The following GSE1 variants were observed in gnomAD, a reference collection of about 807,000 sequenced individuals.
GSE1 encodes Gse1 coiled-coil protein.
A neutral mutation model predicts 112.6 loss-of-function variants in GSE1; 32 were observed. That is an observed-to-expected ratio of 0.28 (90% confidence interval 0.21 to 0.38). The LOEUF (loss-of-function observed/expected upper bound fraction) is 0.38. Among genes scored for constraint, GSE1 ranks in the 10% least tolerant of loss-of-function variants. The probability of loss-of-function intolerance (pLI) is 1.00; values close to 1 mark genes in which losing one functional copy is unlikely to be tolerated. For missense variants in GSE1, 2,348 were observed against 1,699.2 expected (o/e 1.38, Z -6.71); for synonymous variants, 1,115 against 735.6 (o/e 1.52, Z -8.35).
intron 1 of GSE1, among the ~76,000 whole-genome samples, chr16:85,235,427 A>ATTGTGTGTGTGTGTGTGT (rs574126768): frequency 6.2e-5 from 4 of 64,944 alleles, no homozygotes; most frequent in Non-Finnish European, 9.5e-5. Flanking sequence ...ATGGAAGGGT[A>ATTGTGTGTGTGTGTGTGT]CTGTGTGTGT....
chr16:85,478,189 C>A (rs1567519547), intron 2 of GSE1, among the ~76,000 whole-genome samples: 1 of 152,166 alleles, frequency 6.6e-6, no homozygotes, highest in Non-Finnish European at 1.5e-5. Context: ...GTCCGTGCAG[C>A]AGCGTGCGTC....
intron 2 of GSE1, among the ~76,000 whole-genome samples, chr16:85,543,015 C>G (rs2044576248): frequency 6.6e-6 from 1 of 152,244 alleles, no homozygotes; most frequent in South Asian, 2.1e-4. Flanking sequence ...ATCATGAGTT[C>G]AGGAGTTCAA....
chr16:85,672,533 C>T lies in GSE1; in HGVS notation c.3648C>T (p.Pro1216=), dbSNP rs371328653. 9 of 1,603,428 alleles carry T rather than the reference C, an allele frequency of 5.6e-6. No homozygotes were observed. Among genetic ancestry groups the T allele is most frequent in the Non-Finnish European group, 7.7e-6 (9 of 1,171,880 alleles). Residue 1216 remains proline (P), a synonymous_variant, in exon 16 of 16, where the codon CCC becomes CCT. Coordinates refer to ENST00000253458, the MANE Select transcript of GSE1 (RefSeq NM_014615.5). The part of the protein sequence containing the change: ...HWPRGYLKGY[P]R Reference sequence around the variant, plus strand: ...CTAGGGGCTACCTGAAGGGATATCCCAGGTGACGGTTTCCCTTGCACTAGG... The same window carrying T: ...CTAGGGGCTACCTGAAGGGATATCCTAGGTGACGGTTTCCCTTGCACTAGG...
chr16:85,250,919 T>C (rs1432668903), intron 1 of GSE1, among the ~76,000 whole-genome samples: 1 of 149,170 alleles, frequency 6.7e-6, no homozygotes, highest in East Asian at 2.0e-4. Context: ...AATCACAGCA[T>C]GTGGACTTCT....
Position 85,647,160 on chromosome 16 carries a change from C to T in GSE1, c.227-1392C>T, listed in dbSNP as rs551387778. On this transcript the variant is annotated intron_variant, in intron 2 of 15. Coordinates refer to ENST00000253458, the MANE Select transcript of GSE1 (RefSeq NM_014615.5). ...ACCCCTGCCGCACCTGCAGATGGGC[C>T]GGGGCGGCCCTGCCCGTCCATGCCC... Among the ~76,000 whole-genome samples the T allele has an allele frequency of 1.5e-3, 229 of 152,306 alleles. 2 individuals are homozygous for T. The highest frequency in any genetic ancestry group is 0.011 in the South Asian group (52 of 4,824).
intron 1 of GSE1, among the ~76,000 whole-genome samples, chr16:85,230,558 T>A (rs531393075): frequency 6.6e-6 from 1 of 152,228 alleles, no homozygotes; most frequent in East Asian, 1.9e-4. Flanking sequence ...TGCCTTTTGC[T>A]GCGGGGGTTC....
intron 2 of GSE1, among the ~76,000 whole-genome samples, chr16:85,516,556 C>G (rs916572462): frequency 6.3e-5 from 9 of 143,366 alleles, no homozygotes; most frequent in African/African-American, 2.3e-4. Flanking sequence ...ATTGCCCTCA[C>G]TCTACAAGGC....
intron 1 of GSE1, among the ~76,000 whole-genome samples, chr16:85,215,233 G>T (rs1388426244): frequency 1.3e-5 from 2 of 152,218 alleles, no homozygotes; most frequent in Non-Finnish European, 2.9e-5. Flanking sequence ...AGCCTCACTT[G>T]TGTCATCTTT....
intron 1 of GSE1, among the ~76,000 whole-genome samples, chr16:85,630,542 C>T (rs962202063): frequency 1.3e-5 from 2 of 152,196 alleles, no homozygotes; most frequent in African/African-American, 4.8e-5. Context: ...GTTTTGAACT[C>T]CTGGCCTCAC....
chr16:85,364,800 C>T (rs553055320), intron 2 of GSE1, among the ~76,000 whole-genome samples: 3 of 152,300 alleles, frequency 2.0e-5, no homozygotes, highest in Admixed American at 1.3e-4. Context: ...GCAGCCACTC[C>T]CCAGCAACTC....
chr16:85,607,813 T>A (rs1217191074), upstream of GSE1, among the ~76,000 whole-genome samples: 1 of 152,260 alleles, frequency 6.6e-6, no homozygotes, highest in African/African-American at 2.4e-5. Context: ...ACTGTGTCCC[T>A]GCTAGGAGAC....
intron 2 of GSE1, among the ~76,000 whole-genome samples, chr16:85,516,859 G>A (rs777385756): frequency 3.3e-5 from 5 of 150,484 alleles, no homozygotes; most frequent in East Asian, 2.0e-4. Flanking sequence ...GTGCAGTGGC[G>A]TGATCTCCAC....
At chr16:85,243,058 C>T (rs1361685965) in intron 1 of GSE1, among the ~76,000 whole-genome samples, 1 of 152,188 alleles carries the variant, frequency 6.6e-6, no homozygotes, top group Non-Finnish European at 1.5e-5. Flanking sequence ...AGCAATCCTC[C>T]TTCCTTGGCT....
intron 1 of GSE1, among the ~76,000 whole-genome samples, chr16:85,347,822 G>T (rs1444090786): frequency 6.6e-6 from 1 of 152,186 alleles, no homozygotes; most frequent in African/African-American, 2.4e-5. Context: ...AGGACCTTCT[G>T]TTCCACCTGG....
chr16:85,203,003 C>T (rs917549582), intron 1 of GSE1, among the ~76,000 whole-genome samples: 1 of 151,228 alleles, frequency 6.6e-6, no homozygotes, highest in East Asian at 2.0e-4. Flanking sequence ...TCTCCCCCTC[C>T]TCCTTGGCCA....
intron 2 of GSE1, among the ~76,000 whole-genome samples, chr16:85,503,547 C>T (rs780793013): frequency 1.3e-5 from 2 of 152,144 alleles, no homozygotes; most frequent in African/African-American, 2.4e-5. Context: ...CTGGTAATTA[C>T]GGCCCACGGA....
chr16:85,549,531 C>T (rs550026139), intron 2 of GSE1, among the ~76,000 whole-genome samples: 2 of 152,322 alleles, frequency 1.3e-5, no homozygotes, highest in Non-Finnish European at 1.5e-5. Context: ...CAGGGGCAGG[C>T]TGGGGATGCC....
intron 2 of GSE1, among the ~76,000 whole-genome samples, chr16:85,513,842 A>G (rs545413422): frequency 3.3e-4 from 50 of 152,000 alleles, no homozygotes; most frequent in Middle Eastern, 3.4e-3. Context: ...AAACATCAGA[A>G]TCCCCCCGGG....
chr16:85,586,764 T>G (rs1400306865), intron 1 of GSE1, among the ~76,000 whole-genome samples: 1 of 152,218 alleles, frequency 6.6e-6, no homozygotes, highest in Non-Finnish European at 1.5e-5. Context: ...TCTCCTGGGC[T>G]GCAGGAAACC....
Sources: allele counts gnomAD v4.1 joint callset (sites outside exome capture counted in the v4.1 genomes callset), GRCh38; gene constraint gnomAD v4.1.1; transcripts MANE v1.5; gene names NCBI Gene and HGNC (gene_info 2026-07-23, HGNC 2026-07-21).